The following CSMD2 variants were observed in gnomAD, a reference collection of about 807,000 sequenced individuals.
CSMD2 encodes the protein CUB and sushi domain-containing protein 2.
In CSMD2, 130 loss-of-function variants were observed where a neutral mutation model predicts 398.5. The ratio of observed to expected loss-of-function variants is 0.33; its 90% CI spans 0.28 to 0.38. The LOEUF (loss-of-function observed/expected upper bound fraction) is 0.38. CSMD2 is among the 10% of genes least tolerant of loss of function. The pLI, the probability that CSMD2 is intolerant of heterozygous loss-of-function variation, is 1.00. For missense variants in CSMD2, 3,829 were observed against 4,764.9 expected (o/e 0.80, Z 5.78); for synonymous variants, 1,828 against 1,908.5 (o/e 0.96, Z 1.10).
At chr1:33,934,407 C>G (rs969063613) in intron 4 of CSMD2, among the ~76,000 whole-genome samples, 3 of 152,194 alleles carry the variant, frequency 2.0e-5, no homozygotes, top group Non-Finnish European at 4.4e-5. Flanking sequence ...AAAGGCCAGT[C>G]TGCAGAGGAG....
intron 41 of CSMD2, 60 bp downstream of exon 41, chr1:33,610,981 G>A: frequency 6.6e-7 from 1 of 1,515,222 alleles, no homozygotes; most frequent in South Asian, 1.2e-5. Context: ...GGGAAGGTGG[G>A]TGGCTGGGGC....
At chr1:33,797,164 C>G (rs545108661) in intron 10 of CSMD2, among the ~76,000 whole-genome samples, 64 of 152,128 alleles carry the variant, frequency 4.2e-4, no homozygotes, top group Non-Finnish European at 7.9e-4. Flanking sequence ...CCTTTTTGCC[C>G]TTTGAAGCAT....
chr1:34,035,021 A>G (rs1390426864), intron 2 of CSMD2, among the ~76,000 whole-genome samples: 5 of 152,212 alleles, frequency 3.3e-5, no homozygotes, highest in Admixed American at 1.3e-4. Context: ...TCACCTATCT[A>G]GAGTTGGCAA....
rs749103785 is a variant in CSMD2, at chr1:33,724,276, G to A, written c.2922C>T (p.Thr974=). The A allele has an allele frequency of 6.8e-5, 110 of 1,613,908 alleles. No individual in the cohort carries two copies. Among genetic ancestry groups the A allele is most frequent in the Non-Finnish European group, 9.1e-5 (107 of 1,179,948 alleles). ...AGTCAGGGAACCCTGGCGACAAGAT[G>A]GTCCCACTGGAGCCTTGAATGAAGC... ...CGGFIQGSSG[T]ILSPGFPDFY... is the part of the protein sequence containing the mutation. Residue 974 remains threonine, a synonymous_variant, in exon 19 of 71, where the codon ACC becomes ACT. Coordinates refer to ENST00000373381, the MANE Select transcript of CSMD2 (RefSeq NM_001281956.2).
At chr1:34,127,407 G>A (rs1662858266) in intron 1 of CSMD2, among the ~76,000 whole-genome samples, 1 of 152,164 alleles carries the variant, frequency 6.6e-6, no homozygotes, top group Non-Finnish European at 1.5e-5. Context: ...GAGAGAAGGG[G>A]CATATCACAA....
chr1:34,082,161 G>GCA (rs1246373261), intron 2 of CSMD2, among the ~76,000 whole-genome samples: 1 of 128,042 alleles, frequency 7.8e-6, no homozygotes, highest in African/African-American at 3.0e-5. Context: ...ACCTCTGCCC[G>GCA]GCCGCCCCGT....
Position 33,636,305 on chromosome 1 carries a change from G to C in CSMD2, c.4969+55C>G, listed in dbSNP as rs140577472. The C allele has an allele frequency of 6.7e-7, 1 of 1,495,298 alleles. No homozygotes were observed. Among genetic ancestry groups the C allele is most frequent in the Non-Finnish European group, 9.0e-7 (1 of 1,106,142 alleles). The allele number at this position is 1,495,298 out of a possible 1,614,324, so 92.6% of individuals were successfully genotyped here. On this transcript the variant is annotated intron_variant, in intron 30 of 70. Coordinates refer to ENST00000373381, the MANE Select transcript of CSMD2 (RefSeq NM_001281956.2). This position sits in a 1 kb window ranked among gnomAD's most constrained non-coding sequence, Gnocchi z 4.8. The stretch of plus-strand genomic sequence containing the variant: ...CCTTCCCCAGCCCACAGCACCCTCT[G>C]CCCCTGGCATGCCCTCAGTTCCTCA...
At chr1:33,659,141 C>T (rs376822485) in intron 26 of CSMD2, among the ~76,000 whole-genome samples, 5 of 152,194 alleles carry the variant, frequency 3.3e-5, no homozygotes, top group African/African-American at 4.8e-5. Flanking sequence ...CAGGAATTTG[C>T]GACGTCTTCG....
intron 56 of CSMD2, among the ~76,000 whole-genome samples, chr1:33,547,336 A>T (rs1657007043): frequency 6.6e-6 from 1 of 152,226 alleles, no homozygotes; most frequent in Non-Finnish European, 1.5e-5. Context: ...CTTAGATCAG[A>T]CCAGGCCATG....
chr1:33,602,235 C>T (rs963917657), intron 43 of CSMD2, 134 bp downstream of exon 43: 1 of 899,240 alleles, frequency 1.1e-6, no homozygotes, highest in Admixed American at 2.4e-5. Context: ...TATTTGAAAC[C>T]CAGGAGGCTG....
chr1:33,783,438 T>A (rs201447938), intron 12 of CSMD2, among the ~76,000 whole-genome samples: 2 of 28,812 alleles, frequency 6.9e-5, no homozygotes, highest in Non-Finnish European at 1.2e-4. Context: ...TCATTCTCTC[T>A]CTCTCTCTCT....
rs57678063 is a variant in CSMD2 at position 33,544,102 on chromosome 1, C to CT, written c.9101-1207dup. ...GAGTGACAAGATGTTCCATATTTGT[C>CT]TTTTTTTTTTTTTTTTTTTTTTGAG... On this transcript the variant is annotated intron_variant, in intron 57 of 70. Coordinates refer to ENST00000373381, the MANE Select transcript of CSMD2 (RefSeq NM_001281956.2). Among the ~76,000 whole-genome samples the CT allele has an allele frequency of 6.8e-3, 608 of 89,286 alleles. 10 individuals carry two copies. Among genetic ancestry groups the CT allele is most frequent in the African/African-American group, 0.015 (316 of 21,430 alleles). The allele number at this position is 89,286 out of a possible 152,430, so 58.6% of individuals were successfully genotyped here.
intron 13 of CSMD2, chr1:33,772,311 G>T: frequency 2.7e-6 from 1 of 365,948 alleles, no homozygotes; most frequent in Non-Finnish European, 5.0e-6. Context: ...TTGCTCTTAA[G>T]GATCACCAAG....
intron 4 of CSMD2, among the ~76,000 whole-genome samples, chr1:33,927,289 TA>T (rs1644160162): frequency 6.6e-6 from 1 of 152,172 alleles, no homozygotes; most frequent in Admixed American, 6.5e-5. Flanking sequence ...TGACACTCCT[TA>T]AAATGAAGAA....
intron 5 of CSMD2, among the ~76,000 whole-genome samples, chr1:33,881,165 C>T (rs1641212593): frequency 6.6e-6 from 1 of 152,154 alleles, no homozygotes; most frequent in Non-Finnish European, 1.5e-5. Context: ...GGAGTTCTGT[C>T]AGGGCATTTA....
intron 5 of CSMD2, among the ~76,000 whole-genome samples, chr1:33,894,894 C>A (rs1185168675): frequency 6.6e-6 from 1 of 152,144 alleles, no homozygotes; most frequent in Admixed American, 6.5e-5. Context: ...TCTCAGGTAT[C>A]CTGTCTTCCA....
Position 33,637,825 on chromosome 1 carries a change from G to T in CSMD2, c.4775-1271C>A, listed in dbSNP as rs548745017. Among the ~76,000 whole-genome samples the T allele has an allele frequency of 7.2e-5, 11 of 152,286 alleles. No individual in the cohort carries two copies. In the East Asian group the frequency reaches 2.1e-3, roughly 29 times the overall value. ...CAGAAATTCAAAGAGTGGAGTTAAG[G>T]AGGGAAGAACCAGAATAGAAGGGAT... On this transcript the variant is annotated intron_variant, in intron 29 of 70. Coordinates refer to ENST00000373381, the MANE Select transcript of CSMD2 (RefSeq NM_001281956.2).
rs1646450810 is a variant in CSMD2, at chr1:33,724,245, G to C, written c.2953C>G (p.Pro985Ala). 6.2e-7 allele frequency: 1 copy of C among 1,613,982 alleles called. No homozygotes were observed. The highest frequency in any genetic ancestry group is 8.5e-7 in the Non-Finnish European group (1 of 1,179,934). Reference protein sequence around the residue: ...ILSPGFPDFYPNNLNCTWIIE... With the variant: ...ILSPGFPDFYANNLNCTWIIE... ...ATCCAGGTGCAGTTCAAGTTGTTGG[G>C]GTAGAAGTCAGGGAACCCTGGCGAC... The change falls in exon 19 of 71, where the codon CCC (proline) becomes GCC (alanine). Residue 985 changes from proline to alanine, a missense_variant. Pro to Ala is a conservative substitution (Grantham distance 27). This residue lies in a region of CSMD2 where 2,001 missense variants were observed against 2,567.1 expected (regional missense o/e 0.78). Coordinates refer to ENST00000373381, the MANE Select transcript of CSMD2 (RefSeq NM_001281956.2).
intron 44 of CSMD2, among the ~76,000 whole-genome samples, chr1:33,591,339 A>G (rs2483842): frequency 0.37 from 55,852 of 151,998 alleles, 11,193 homozygotes; most frequent in East Asian, 0.57. Context: ...GTGAGCTCAC[A>G]TGGTTCATTT....
Sources: allele counts gnomAD v4.1 joint callset (sites outside exome capture counted in the v4.1 genomes callset), GRCh38; gene constraint gnomAD v4.1.1; regional missense constraint gnomAD v4.1.1; non-coding constraint Gnocchi (gnomAD v3.1); transcripts MANE v1.5; gene names NCBI Gene and HGNC (gene_info 2026-07-23, HGNC 2026-07-21).